The following GLIPR2 variants were observed in gnomAD, a reference collection of about 807,000 sequenced individuals.
The protein encoded by GLIPR2 is GLI pathogenesis related 2, also known as Golgi-associated plant pathogenesis-related protein 1.
Under a neutral mutation model 20.4 loss-of-function variants are expected in GLIPR2, and 21 were observed. The observed-to-expected ratio is 1.03, with a 90% confidence interval of 0.73 to 1.48. GLIPR2 has a LOEUF of 1.48. Ranked by LOEUF, GLIPR2 falls within the 40% of genes most tolerant of loss-of-function variation. The probability of loss-of-function intolerance (pLI) is 0.00; values close to 1 mark genes in which losing one functional copy is unlikely to be tolerated. For synonymous variants in GLIPR2, 91 were observed against 80.5 expected, an observed-to-expected ratio of 1.13 and a Z score of -0.70; for missense variants, 205 against 200.1, an observed-to-expected ratio of 1.02 and a Z score of -0.15.
intron 4 of GLIPR2, among the ~76,000 whole-genome samples, chr9:36,157,490 G>T (rs562454563): frequency 1.5e-4 from 23 of 151,280 alleles, no homozygotes; most frequent in Non-Finnish European, 2.8e-4. Context: ...GGGGTTACAG[G>T]CACCCACCAC....
intron 4 of GLIPR2, among the ~76,000 whole-genome samples, chr9:36,159,105 TACA>T (rs1426906032): frequency 7.2e-5 from 11 of 152,328 alleles, no homozygotes; most frequent in Admixed American, 7.2e-4. Flanking sequence ...AAGAATGCAT[TACA>T]GCATCAACTC....
chr9:36,149,985 G>A (rs762714092), intron 3 of GLIPR2, among the ~76,000 whole-genome samples: 13 of 152,204 alleles, frequency 8.5e-5, no homozygotes, highest in Non-Finnish European at 1.5e-4. Context: ...CTGAGATCGC[G>A]CCATTGCACT....
At chr9:36,154,375 G>A (rs140774287) in intron 4 of GLIPR2, among the ~76,000 whole-genome samples, 187 of 152,216 alleles carry the variant, frequency 1.2e-3, no homozygotes, top group Non-Finnish European at 2.4e-3. Context: ...GCTTACACCA[G>A]CATGTGTGTA....
chr9:36,158,248 A>C (rs2132784048), intron 4 of GLIPR2, among the ~76,000 whole-genome samples: 1 of 152,286 alleles, frequency 6.6e-6, no homozygotes, highest in African/African-American at 2.4e-5. Context: ...ATTCTGTTTA[A>C]TTTTTTGAGG....
At chr9:36,157,316 C>T (rs903265852) in intron 4 of GLIPR2, among the ~76,000 whole-genome samples, 1 of 151,038 alleles carries the variant, frequency 6.6e-6, no homozygotes, top group Non-Finnish European at 1.5e-5. Flanking sequence ...GCATGATCCA[C>T]CACACCCAGT....
Position 36,136,749 on chromosome 9 carries a change from G to T in GLIPR2, c.-30G>T, listed in dbSNP as rs1173156496. Reference sequence around the variant, plus strand: ...CGGGCGAGCGCAGTGCAGCGCAGCCGCGGGGAGCGAGGAGCGCGCGGAGCC... The same window carrying T: ...CGGGCGAGCGCAGTGCAGCGCAGCCTCGGGGAGCGAGGAGCGCGCGGAGCC... On this transcript the variant is annotated 5_prime_UTR_variant, in exon 1 of 5. Coordinates refer to ENST00000377960, the MANE Select transcript of GLIPR2 (RefSeq NM_022343.4). This position sits in a 1 kb window ranked among gnomAD's most constrained non-coding sequence, Gnocchi z 4.3. The T allele has an allele frequency of 3.4e-5, 44 of 1,277,940 alleles. No homozygotes were observed. Among genetic ancestry groups the T allele is most frequent in the Admixed American group, 8.3e-5 (2 of 24,126 alleles). The allele number at this position is 1,277,940 out of a possible 1,614,324, so 79.2% of individuals were successfully genotyped here. A position where few individuals can be genotyped will look rare whatever the true frequency, so the allele number is the denominator to read the frequency against.
intron 1 of GLIPR2, among the ~76,000 whole-genome samples, chr9:36,138,135 G>A (rs960493550): frequency 6.6e-6 from 1 of 152,228 alleles, no homozygotes; most frequent in African/African-American, 2.4e-5. Flanking sequence ...GCAGATGAGA[G>A]CGAGTCTTTC....
Position 36,136,971 on chromosome 9 carries a change from C to A in GLIPR2, c.13+180C>A, listed in dbSNP as rs1587120605. 4.5e-6 allele frequency: 3 copies of A among 663,322 alleles called. No individual in the cohort carries two copies. Among genetic ancestry groups the A allele is most frequent in the Middle Eastern group, 4.7e-4 (1 of 2,106 alleles). 41.1% of individuals were successfully genotyped at this position (663,322 alleles called of 1,614,324 possible). The stretch of plus-strand genomic sequence containing the variant: ...CCGGGGAACCCGGGGGGAAGGCGAG[C>A]CCGAGGGAGGCCCCCGCCGGAGAGC... On this transcript the variant is annotated intron_variant, in intron 1 of 4. Coordinates refer to ENST00000377960, the MANE Select transcript of GLIPR2 (RefSeq NM_022343.4). This position sits in a 1 kb window ranked among gnomAD's most constrained non-coding sequence, Gnocchi z 4.3.
chr9:36,145,789 T>C (rs770793037), intron 1 of GLIPR2, among the ~76,000 whole-genome samples: 21 of 152,024 alleles, frequency 1.4e-4, no homozygotes, highest in Admixed American at 6.5e-4. Context: ...GATGGATGGT[T>C]CGAGGATGTT....
At chr9:36,154,427 C>T (rs1178736873) in intron 4 of GLIPR2, among the ~76,000 whole-genome samples, 2 of 152,074 alleles carry the variant, frequency 1.3e-5, no homozygotes, top group African/African-American at 2.4e-5. Context: ...GGTGTCAGAG[C>T]GTATGACCTG....
At chr9:36,156,385 TAAAAAAAAAAAAAAAA>T (rs58467311) in intron 4 of GLIPR2, among the ~76,000 whole-genome samples, 1 of 77,720 alleles carries the variant, frequency 1.3e-5, no homozygotes, top group Admixed American at 1.8e-4. Flanking sequence ...AAGCCATGTC[TAAAAAAAAAAAAAAAA>T]AAAAAAAAAA....
chr9:36,136,578 C>A, upstream of GLIPR2: 1 of 364,284 alleles, frequency 2.7e-6, no homozygotes, highest in Non-Finnish European at 4.8e-6. This position sits in a 1 kb window ranked among gnomAD's most constrained non-coding sequence, Gnocchi z 4.3. Context: ...GAGCTGCTTC[C>A]CAGGGGTGAG....
intron 4 of GLIPR2, among the ~76,000 whole-genome samples, chr9:36,158,257 G>C (rs1825922398): frequency 6.6e-6 from 1 of 152,152 alleles, no homozygotes; most frequent in South Asian, 2.1e-4. Flanking sequence ...AATTTTTTGA[G>C]GAACTGCCAT....
chr9:36,136,684 C>T, upstream of GLIPR2: 4 of 931,392 alleles, frequency 4.3e-6, no homozygotes, highest in Non-Finnish European at 5.6e-6. The surrounding 1 kb of genome is among the most constrained non-coding windows in gnomAD (Gnocchi z 4.3). Flanking sequence ...GGAGGGGCCG[C>T]GGCATCAGCC....
intron 1 of GLIPR2, among the ~76,000 whole-genome samples, chr9:36,143,651 T>A (rs1256614326): frequency 6.6e-6 from 1 of 152,268 alleles, no homozygotes; most frequent in East Asian, 1.9e-4. Context: ...CAGTTGTTCA[T>A]CTTGTCTCCT....
intron 4 of GLIPR2, among the ~76,000 whole-genome samples, chr9:36,161,295 T>C (rs1403418339): frequency 6.6e-6 from 1 of 151,832 alleles, no homozygotes; most frequent in African/African-American, 2.4e-5. Context: ...GTACCATTGA[T>C]GGAGATGGGA....
chr9:36,138,863 A>T (rs1266362462), intron 1 of GLIPR2, among the ~76,000 whole-genome samples: 1 of 152,148 alleles, frequency 6.6e-6, no homozygotes, highest in East Asian at 1.9e-4. Context: ...CCTGGAGGAG[A>T]TGGTCAAATC....
chr9:36,154,003 G>A (rs1040525492), intron 4 of GLIPR2, among the ~76,000 whole-genome samples: 1 of 150,880 alleles, frequency 6.6e-6, no homozygotes, highest in Non-Finnish European at 1.5e-5. Flanking sequence ...GATGAAGGAT[G>A]CTGGTCAGTC....
At chr9:36,136,728 C>A (rs552895673), upstream of GLIPR2, 18 of 1,200,728 alleles carry the variant, frequency 1.5e-5, no homozygotes, top group African/African-American at 3.2e-5. The surrounding 1 kb of genome is among the most constrained non-coding windows in gnomAD (Gnocchi z 4.3). Context: ...CTGGGCCGGG[C>A]GAGCGCAGTG....
Sources: allele counts gnomAD v4.1 joint callset (sites outside exome capture counted in the v4.1 genomes callset), GRCh38; gene constraint gnomAD v4.1.1; non-coding constraint Gnocchi (gnomAD v3.1); transcripts MANE v1.5; gene names NCBI Gene and HGNC (gene_info 2026-07-23, HGNC 2026-07-21).